Variants in CDH11 observed in about 807,000 individuals in gnomAD.
The protein encoded by CDH11 is cadherin 11.
Under a neutral mutation model 67.8 loss-of-function variants are expected in CDH11, and 11 were observed. The ratio of observed to expected loss-of-function variants is 0.16; its 90% CI spans 0.10 to 0.27. The LOEUF (loss-of-function observed/expected upper bound fraction) is 0.27. Ranked by LOEUF, CDH11 falls within the 10% of genes least tolerant of loss-of-function variation. The pLI is 1.00. For missense variants in CDH11, 847 were observed against 1,031.2 expected (o/e 0.82, Z 2.45); for synonymous variants, 419 against 400.0 (o/e 1.05, Z -0.57).
At chr16:65,014,246 C>G (rs1172203392) in intron 2 of CDH11, among the ~76,000 whole-genome samples, 1 of 152,018 alleles carries the variant, frequency 6.6e-6, no homozygotes, top group Non-Finnish European at 1.5e-5. Context: ...TAAAGTAGAC[C>G]AGGGTCGTTC....
At position 64,972,094 on chromosome 16, in the gene CDH11, A is replaced by C. The variant is rs992020001; in HGVS notation, c.1391-30T>G. 2.5e-6 allele frequency: 4 copies of C among 1,610,076 alleles called. No homozygotes were observed. In the Admixed American group the frequency reaches 6.7e-5, roughly 27 times the overall value. On this transcript the variant is annotated intron_variant, in intron 9 of 12. Coordinates refer to ENST00000268603, the MANE Select transcript of CDH11 (RefSeq NM_001797.4). ...GAAGACAGAATGCAGACAGTCAAGA[A>C]AGGTCAAGGAGAAATACACATTGGT...
chr16:65,121,544 G>A lies in CDH11; in HGVS notation c.-298+336C>T, dbSNP rs942329957. Among the ~76,000 whole-genome samples, 3 of 152,134 alleles carry A rather than the reference G, an allele frequency of 2.0e-5. No individual in the cohort carries two copies. Among genetic ancestry groups the A allele is most frequent in the African/African-American group, 7.2e-5 (3 of 41,452 alleles). ...GTCGGCGTGTCCGGAGGTCTGCTCT[G>A]CAGTCTCTTGCCCCAGCCAGGTACA... On this transcript the variant is annotated intron_variant, in intron 1 of 12. Transcript: ENST00000268603. This position sits in a 1 kb window ranked among gnomAD's most constrained non-coding sequence, Gnocchi z 4.1.
At chr16:65,070,771 T>G (rs1335974538) in intron 1 of CDH11, among the ~76,000 whole-genome samples, 1 of 152,220 alleles carries the variant, frequency 6.6e-6, no homozygotes, top group Non-Finnish European at 1.5e-5. Context: ...TTAGAAACTC[T>G]GATTGGAAAA....
chr16:65,035,048 G>A (rs2073724477), intron 2 of CDH11, among the ~76,000 whole-genome samples: 1 of 152,226 alleles, frequency 6.6e-6, no homozygotes, highest in Non-Finnish European at 1.5e-5. Flanking sequence ...GGCTCATGAG[G>A]TGCTGGGAGG....
At chr16:65,070,863 T>C (rs1217472516) in intron 1 of CDH11, among the ~76,000 whole-genome samples, 1 of 152,180 alleles carries the variant, frequency 6.6e-6, no homozygotes, top group Non-Finnish European at 1.5e-5. Context: ...AGAGTATTTT[T>C]CAAAATGCAA....
chr16:65,090,910 T>A (rs2074782175), intron 1 of CDH11, among the ~76,000 whole-genome samples: 1 of 152,200 alleles, frequency 6.6e-6, no homozygotes. Flanking sequence ...TAAGTGTGTT[T>A]CCTACTTGAG....
intron 2 of CDH11, among the ~76,000 whole-genome samples, chr16:65,011,103 A>ATG (rs2073174776): frequency 7.2e-6 from 1 of 138,064 alleles, no homozygotes. Flanking sequence ...TTTTTTATAT[A>ATG]TATATATATA....
chr16:64,960,710 A>G (rs1182623527), intron 11 of CDH11, among the ~76,000 whole-genome samples: 2 of 152,174 alleles, frequency 1.3e-5, no homozygotes, highest in African/African-American at 4.8e-5. Context: ...GATTTAAGGT[A>G]GCAAGAGAAA....
Position 65,010,986 on chromosome 16 carries a change from T to TAC in CDH11, c.-172-5947_-172-5946dup, listed in dbSNP as rs1263102930. ...ATATATGTGTTTATATATATATATA[T>TAC]ACACACACATATGTATATGTATATA... On this transcript the variant is annotated intron_variant, in intron 2 of 12. Transcript: ENST00000268603. 1.3e-3 allele frequency among the ~76,000 whole-genome samples: 183 copies of TAC among 142,232 alleles called. 1 individual carries two copies. Among genetic ancestry groups the TAC allele is most frequent in the Middle Eastern group, 3.6e-3 (1 of 274 alleles). 93.3% of individuals were successfully genotyped at this position (142,232 alleles called of 152,430 possible).
intron 1 of CDH11, among the ~76,000 whole-genome samples, chr16:65,070,429 C>T (rs184588595): frequency 9.9e-4 from 150 of 152,236 alleles, no homozygotes; most frequent in African/African-American, 3.4e-3. Flanking sequence ...TGTAATTGAA[C>T]GTGTGACTTT....
At chr16:65,009,260 A>G (rs758034844) in intron 2 of CDH11, among the ~76,000 whole-genome samples, 2 of 152,206 alleles carry the variant, frequency 1.3e-5, no homozygotes, top group East Asian at 3.8e-4. Flanking sequence ...AACCAAAAAG[A>G]AAGAAAAAGC....
At chr16:64,984,357 G>C (rs1336945079) in intron 7 of CDH11, among the ~76,000 whole-genome samples, 11 of 152,150 alleles carry the variant, frequency 7.2e-5, no homozygotes. Flanking sequence ...CCATCATTTT[G>C]ACTGAATGAA....
In CDH11 at chr16:64,972,008, C is replaced by T. The variant is rs761020632; in HGVS notation, c.1447G>A (p.Asp483Asn). 8 of 1,613,588 alleles carry T rather than the reference C, an allele frequency of 5.0e-6. No homozygotes were observed. The Admixed American group carries it at 1.0e-4, about 20-fold the overall frequency. The stretch of plus-strand genomic sequence containing the variant: ...GGGGCAGCAAACTTGGGAGCATTAT[C>T]GTTGACATCAAGGACCCTAATGGCC... ...PVAIRVLDVN[D>N]NAPKFAAPYE... The change falls in exon 10 of 13, where the codon GAT becomes AAT. Residue 483 changes from aspartate (D) to asparagine (N), a missense_variant. Transcript: ENST00000268603.
At chr16:65,098,204 A>C (rs2074932217) in intron 1 of CDH11, among the ~76,000 whole-genome samples, 2 of 152,152 alleles carry the variant, frequency 1.3e-5, no homozygotes, top group Admixed American at 1.3e-4. Flanking sequence ...TGAGAGGTTC[A>C]ATATTTACTA....
intron 2 of CDH11, among the ~76,000 whole-genome samples, chr16:65,034,773 G>A (rs1260580235): frequency 2.0e-5 from 3 of 152,156 alleles, no homozygotes; most frequent in Non-Finnish European, 4.4e-5. Context: ...ACCATAACAG[G>A]GTGCACGTGG....
chr16:64,973,311 A>G (rs1295566683), intron 8 of CDH11, among the ~76,000 whole-genome samples: 9 of 152,220 alleles, frequency 5.9e-5, no homozygotes. Context: ...ATATTTCTCC[A>G]TATTTACTAC....
At chr16:64,985,256 G>T (rs1233245163) in intron 7 of CDH11, 5 of 152,028 alleles carry the variant, frequency 3.3e-5, no homozygotes, top group African/African-American at 1.2e-4. Flanking sequence ...GGTATTTATT[G>T]TTTTCTAAAA....
rs1222438900 is a variant in CDH11 at position 64,971,870 on chromosome 16, A to G, written c.1524+61T>C. On this transcript the variant is annotated intron_variant, in intron 10 of 12. Transcript: ENST00000268603. The stretch of plus-strand genomic sequence containing the variant: ...GTTGGTATCTCCAAGTGATGGTTTA[A>G]AAAACACACTCTATTTCCAAGTGCA... 35 of 1,586,986 alleles carry G rather than the reference A, an allele frequency of 2.2e-5. No individual in the cohort carries two copies. In the South Asian group the frequency reaches 3.7e-4, roughly 17 times the overall value.
At chr16:65,115,137 G>A (rs1015475162) in intron 1 of CDH11, among the ~76,000 whole-genome samples, 1 of 152,086 alleles carries the variant, frequency 6.6e-6, no homozygotes, top group Non-Finnish European at 1.5e-5. Context: ...TCCCAGTAAG[G>A]TATTACTGCA....
Sources: allele counts gnomAD v4.1 joint callset (sites outside exome capture counted in the v4.1 genomes callset), GRCh38; gene constraint gnomAD v4.1.1; non-coding constraint Gnocchi (gnomAD v3.1); transcripts MANE v1.5; gene names NCBI Gene and HGNC (gene_info 2026-07-23, HGNC 2026-07-21).